Variants in NRG1 observed in about 807,000 individuals in gnomAD.
The protein encoded by NRG1 is pro-neuregulin-1, membrane-bound isoform.
In NRG1, 18 loss-of-function variants were observed where a neutral mutation model predicts 63.8. That is an observed-to-expected ratio of 0.28 (90% confidence interval 0.19 to 0.42). NRG1 has a LOEUF of 0.42. Ranked by LOEUF, NRG1 falls within the 10% of genes least tolerant of loss-of-function variation. NRG1 has a pLI of 1.00. For synonymous variants in NRG1, 302 were observed against 301.3 expected (o/e 1.00, Z -0.02); for missense variants, 762 against 814.7 (o/e 0.94, Z 0.79).
At chr8:32,001,310 C>T (rs1468116242) in intron 1 of NRG1, among the ~76,000 whole-genome samples, 2 of 151,962 alleles carry the variant, frequency 1.3e-5, no homozygotes, top group Non-Finnish European at 2.9e-5. Flanking sequence ...GAATAAGTCT[C>T]ATGAGATCTG....
intron 1 of NRG1, among the ~76,000 whole-genome samples, chr8:32,209,129 G>C (rs1003772219): frequency 1.3e-5 from 2 of 152,006 alleles, no homozygotes; most frequent in African/African-American, 4.8e-5. Context: ...GATAATAATG[G>C]TATCTGTGCC....
intron 1 of NRG1, among the ~76,000 whole-genome samples, chr8:32,583,730 T>G (rs1563704413): frequency 6.6e-6 from 1 of 152,206 alleles, no homozygotes; most frequent in Non-Finnish European, 1.5e-5. Context: ...AGAAGGCATT[T>G]CTTAGACTAC....
At chr8:31,778,188 G>C (rs1274223115) in intron 1 of NRG1, among the ~76,000 whole-genome samples, 1 of 152,110 alleles carries the variant, frequency 6.6e-6, no homozygotes, top group Non-Finnish European at 1.5e-5. Context: ...GCTGCCCTCC[G>C]AGGCAGAGGA....
chr8:32,310,446 C>A (rs1215504220), intron 1 of NRG1, among the ~76,000 whole-genome samples: 1 of 152,122 alleles, frequency 6.6e-6, no homozygotes, highest in Non-Finnish European at 1.5e-5. Context: ...AAAGTATGTG[C>A]CCACTTCATT....
chr8:32,605,365 A>C (rs1457606579), intron 2 of NRG1, among the ~76,000 whole-genome samples, 197 bp from the exon 3 acceptor site: 1 of 152,182 alleles, frequency 6.6e-6, no homozygotes, highest in Non-Finnish European at 1.5e-5. Context: ...TCCATGGTAC[A>C]ACTTAAATGT....
At chr8:31,681,734 T>TCACA (rs146185342) in intron 1 of NRG1, among the ~76,000 whole-genome samples, 1 of 149,406 alleles carries the variant, frequency 6.7e-6, no homozygotes, top group Admixed American at 6.7e-5. Context: ...TTATATATAT[T>TCACA]CACACACACA....
At chr8:32,678,388 G>A (rs1465801203) in intron 5 of NRG1, among the ~76,000 whole-genome samples, 1 of 152,096 alleles carries the variant, frequency 6.6e-6, no homozygotes, top group East Asian at 1.9e-4. Flanking sequence ...ATCTAAGATT[G>A]CTATCAGTAT....
At chr8:32,351,388 G>T (rs1293843287) in intron 1 of NRG1, among the ~76,000 whole-genome samples, 4 of 152,256 alleles carry the variant, frequency 2.6e-5, no homozygotes, top group Admixed American at 2.6e-4. Context: ...ATGGAAAGAG[G>T]ATGATATGTT....
Position 32,363,456 on chromosome 8 carries a change from G to A in NRG1, c.38-232372G>A, listed in dbSNP as rs141167563. 4.4e-3 allele frequency among the ~76,000 whole-genome samples: 666 copies of A among 152,278 alleles called. 5 individuals are homozygous for A. The highest frequency in any genetic ancestry group is 0.015 in the African/African-American group (615 of 41,552). On this transcript the variant is annotated intron_variant, in intron 1 of 10. Transcript: ENST00000519301. ...TTGGTATACGGGTATTAAAATACTA[G>A]TATAATTTCTCTAACGGGAGTATGA...
intron 1 of NRG1, among the ~76,000 whole-genome samples, chr8:32,513,901 A>G (rs1237639934): frequency 1.3e-5 from 2 of 152,186 alleles, no homozygotes; most frequent in African/African-American, 4.8e-5. Context: ...CGGACCATCT[A>G]AATGGGAAAG....
Position 32,583,779 on chromosome 8 carries a change from T to G in NRG1, c.101-12049T>G, listed in dbSNP as rs140096673. Among the ~76,000 whole-genome samples, 693 of 152,314 alleles carry G rather than the reference T, an allele frequency of 4.5e-3. 5 individuals carry two copies. The highest frequency in any genetic ancestry group is 0.016 in the African/African-American group (665 of 41,580). ...ACTGTTTACAAAGTACTTTCATACA[T>G]GATCTCATTGTTCAGCACGAAAAAA... On this transcript the variant is annotated intron_variant, in intron 1 of 11. Coordinates refer to ENST00000356819, the Ensembl canonical transcript of NRG1.
chr8:31,690,929 G>T (rs934299723), intron 1 of NRG1, among the ~76,000 whole-genome samples: 3 of 152,182 alleles, frequency 2.0e-5, no homozygotes, highest in Non-Finnish European at 4.4e-5. Flanking sequence ...GTTTAGGAAA[G>T]AGGTCTGGAA....
chr8:31,757,661 T>C (rs1817110166), intron 1 of NRG1, among the ~76,000 whole-genome samples: 1 of 152,082 alleles, frequency 6.6e-6, no homozygotes. Context: ...TTATGTCCTG[T>C]AGGAGGACCC....
chr8:31,741,508 A>C (rs925280097), intron 1 of NRG1, among the ~76,000 whole-genome samples: 1 of 152,080 alleles, frequency 6.6e-6, no homozygotes, highest in African/African-American at 2.4e-5. Flanking sequence ...TCCAGAATAC[A>C]TAAGGAACAT....
At chr8:31,983,188 T>G (rs11783942) in intron 1 of NRG1, among the ~76,000 whole-genome samples, 95,403 of 152,014 alleles carry the variant, frequency 0.63, 34,312 homozygotes, top group Non-Finnish European at 0.81. Flanking sequence ...CCAAAACATT[T>G]AGTCAATACT....
rs905011144 is a variant in NRG1, at chr8:32,707,473, T to C, written c.503-20476T>C. Among the ~76,000 whole-genome samples, 6 of 152,066 alleles carry C rather than the reference T, an allele frequency of 3.9e-5. 1 individual carries two copies. Among genetic ancestry groups the C allele is most frequent in the Admixed American group, 2.0e-4 (3 of 15,262 alleles). ...GGAGAAGGAAAGAATCAGTCAGAGA[T>C]TGTTTCAAATTTAATATGAAATAAA... On this transcript the variant is annotated intron_variant, in intron 5 of 11. Coordinates refer to ENST00000356819, the Ensembl canonical transcript of NRG1.
intron 1 of NRG1, among the ~76,000 whole-genome samples, chr8:32,076,883 G>A (rs1347507685): frequency 6.6e-6 from 1 of 152,084 alleles, no homozygotes; most frequent in African/African-American, 2.4e-5. Flanking sequence ...TGCACATATT[G>A]GTTACTGGTA....
intron 1 of NRG1, among the ~76,000 whole-genome samples, chr8:32,419,864 T>C (rs949756435): frequency 2.6e-5 from 4 of 152,198 alleles, no homozygotes; most frequent in Non-Finnish European, 5.9e-5. Flanking sequence ...TCTGTCTCTC[T>C]CCATAGTCCA....
intron 1 of NRG1, among the ~76,000 whole-genome samples, chr8:31,921,247 C>G (rs558404973): frequency 6.6e-6 from 1 of 152,192 alleles, no homozygotes; most frequent in East Asian, 1.9e-4. Context: ...CACACTATAA[C>G]AGATAACCAA....
Sources: gnomAD v4.1 joint callset for allele counts (sites outside exome capture counted in the v4.1 genomes callset) on GRCh38, gnomAD v4.1.1 for gene constraint, MANE v1.5 for transcripts, NCBI Gene and HGNC (gene_info 2026-07-23, HGNC 2026-07-21) for gene names.